MTHFD1L: variants seen among roughly 807,000 people sequenced by gnomAD.
MTHFD1L encodes methylenetetrahydrofolate dehydrogenase (NADP+ dependent) 1 like, also known as monofunctional C1-tetrahydrofolate synthase, mitochondrial.
In MTHFD1L, 81 loss-of-function variants were observed where a neutral mutation model predicts 119.5. The observed-to-expected ratio is 0.68, with a 90% CI of 0.57 to 0.82. The LOEUF (loss-of-function observed/expected upper bound fraction) is 0.82, where lower values mean the gene tolerates loss of function less well. Ranked by LOEUF, MTHFD1L falls within the 40% of genes least tolerant of loss-of-function variation. The pLI is 0.00. For synonymous variants in MTHFD1L, 430 were observed against 475.2 expected (o/e 0.90, Z 1.24); for missense variants, 1,125 against 1,253.4 (o/e 0.90, Z 1.55).
intron 5 of MTHFD1L, among the ~76,000 whole-genome samples, chr6:150,884,330 C>T (rs532523490): frequency 5.5e-4 from 84 of 151,910 alleles, no homozygotes; most frequent in Non-Finnish European, 1.0e-3. Context: ...TTAGTAGAGA[C>T]GAGGTTTCAC....
At chr6:151,013,934 C>A in intron 22 of MTHFD1L, 114 bp downstream of exon 22, 1 of 890,984 alleles carries the variant, frequency 1.1e-6, no homozygotes, top group Non-Finnish European at 1.7e-6. Context: ...CTGTTCTGTC[C>A]GGGCGCAGTG....
intron 24 of MTHFD1L, among the ~76,000 whole-genome samples, chr6:151,026,820 C>CTTTTTTTTTT (rs1158007442): frequency 2.0e-5 from 1 of 51,264 alleles, no homozygotes; most frequent in Non-Finnish European, 3.2e-5. Context: ...CCTTTCTATC[C>CTTTTTTTTTT]TTTTTTTTTT....
At chr6:151,090,701 G>C (rs1460832584) in intron 26 of MTHFD1L, among the ~76,000 whole-genome samples, 1 of 152,260 alleles carries the variant, frequency 6.6e-6, no homozygotes, top group Admixed American at 6.5e-5. Flanking sequence ...GATGCCATCA[G>C]GTGCTGGCAC....
rs917325794 is a variant in MTHFD1L, at chr6:151,008,075, C to T, written c.2126-1744C>T. Among the ~76,000 whole-genome samples the T allele has an allele frequency of 1.7e-4, 26 of 151,992 alleles. No homozygotes were observed. In the East Asian group the frequency reaches 1.9e-3, roughly 11 times the overall value. On this transcript the variant is annotated intron_variant, in intron 20 of 27. Transcript: ENST00000367321. ...TACCCTTGGGAATTTATTCCAAGAACGTAATTTGAAAGAGATTAAAGCACA... is the reference window on the plus strand; with the variant it reads ...TACCCTTGGGAATTTATTCCAAGAATGTAATTTGAAAGAGATTAAAGCACA...
intron 26 of MTHFD1L, among the ~76,000 whole-genome samples, chr6:151,078,489 G>T (rs1160525616): frequency 6.6e-6 from 1 of 150,848 alleles, no homozygotes; most frequent in African/African-American, 2.4e-5. Context: ...GGTCAGCTTA[G>T]CTGGGTTCTC....
At chr6:150,925,322 C>T (rs2128906820) in intron 10 of MTHFD1L, among the ~76,000 whole-genome samples, 1 of 152,296 alleles carries the variant, frequency 6.6e-6, no homozygotes, top group African/African-American at 2.4e-5. Context: ...CACTCTCAGA[C>T]ACATGAAGGG....
At chr6:151,032,836 C>T (rs1344846748) in intron 24 of MTHFD1L, among the ~76,000 whole-genome samples, 1 of 152,130 alleles carries the variant, frequency 6.6e-6, no homozygotes, top group African/African-American at 2.4e-5. Flanking sequence ...CACAGAACAC[C>T]TCTACAGTAA....
rs188878381 is a variant in MTHFD1L at position 150,903,243 on chromosome 6, A to G, written c.781-2407A>G. 5.9e-3 allele frequency among the ~76,000 whole-genome samples: 636 copies of G among 107,530 alleles called. 2 individuals are homozygous for G. Among genetic ancestry groups the G allele is most frequent in the African/African-American group, 0.023 (606 of 26,506 alleles). 70.5% of individuals were successfully genotyped at this position (107,530 alleles called of 152,430 possible). The stretch of plus-strand genomic sequence containing the variant: ...TTTTTTTTTTTTTTTTTTGAGACAG[A>G]GTCTTGCTCCATCGCCCAGGCTGGA... On this transcript the variant is annotated intron_variant, in intron 7 of 27. Transcript: ENST00000367321.
At chr6:150,909,349 C>T (rs774771979) in intron 8 of MTHFD1L, among the ~76,000 whole-genome samples, 23 of 151,614 alleles carry the variant, frequency 1.5e-4, no homozygotes, top group East Asian at 5.8e-4. Context: ...TACAGTGGCA[C>T]GATCACAGCC....
At position 151,009,859 on chromosome 6, in the gene MTHFD1L, A is replaced by G. The variant is rs373294467; in HGVS notation, c.2166A>G (p.Lys722=). ...AGFGADIGME[K]FFNIKCRASG... is the part of the protein sequence containing the mutation. ...TTGGTGCTGACATCGGAATGGAGAA[A>G]TTCTTCAACATCAAGTGCCGAGCTT... is the stretch of plus-strand genomic sequence containing the variant. The change falls in exon 21 of 28, where the codon AAA becomes AAG. Residue 722 remains lysine, a synonymous_variant. Coordinates refer to ENST00000367321, the MANE Select transcript of MTHFD1L (RefSeq NM_015440.5). 6.9e-5 allele frequency: 111 copies of G among 1,613,750 alleles called. No individual in the cohort carries two copies. Among genetic ancestry groups the G allele is most frequent in the Non-Finnish European group, 9.0e-5 (106 of 1,179,932 alleles).
chr6:151,030,238 C>T (rs983960364), intron 24 of MTHFD1L, among the ~76,000 whole-genome samples: 10 of 152,238 alleles, frequency 6.6e-5, no homozygotes, highest in Admixed American at 3.3e-4. Flanking sequence ...GCTGCATTCT[C>T]TCTGAGCCCT....
At chr6:151,006,957 A>G (rs1442736895) in intron 20 of MTHFD1L, among the ~76,000 whole-genome samples, 3 of 152,120 alleles carry the variant, frequency 2.0e-5, no homozygotes, top group Non-Finnish European at 4.4e-5. Context: ...AAAATGCGTA[A>G]CATTTGGGTT....
At chr6:150,953,335 C>T (rs535701739) in intron 16 of MTHFD1L, among the ~76,000 whole-genome samples, 3 of 152,260 alleles carry the variant, frequency 2.0e-5, no homozygotes, top group African/African-American at 7.2e-5. Flanking sequence ...AAGGGATGGT[C>T]CAGAGCAAAA....
At chr6:150,957,318 G>C (rs1027323984) in intron 17 of MTHFD1L, among the ~76,000 whole-genome samples, 1 of 152,124 alleles carries the variant, frequency 6.6e-6, no homozygotes, top group African/African-American at 2.4e-5. Flanking sequence ...ACTGCAAATT[G>C]AAACAATGGA....
chr6:150,920,434 G>A (rs1788699454), intron 9 of MTHFD1L, among the ~76,000 whole-genome samples: 1 of 152,036 alleles, frequency 6.6e-6, no homozygotes, highest in East Asian at 1.9e-4. Context: ...TTATGTACAG[G>A]GTAATACACA....
chr6:150,911,396 C>G (rs1249721110), intron 8 of MTHFD1L, among the ~76,000 whole-genome samples: 4 of 151,792 alleles, frequency 2.6e-5, no homozygotes, highest in African/African-American at 9.7e-5. Flanking sequence ...CTCTCAAGAA[C>G]ACTGTCACAA....
chr6:150,936,527 A>G (rs773908710), intron 11 of MTHFD1L, among the ~76,000 whole-genome samples: 4 of 152,162 alleles, frequency 2.6e-5, no homozygotes, highest in Non-Finnish European at 4.4e-5. Flanking sequence ...AACCATTTTG[A>G]TGAGTGGTTT....
chr6:150,904,236 G>A (rs1785520531), intron 7 of MTHFD1L, among the ~76,000 whole-genome samples: 1 of 152,226 alleles, frequency 6.6e-6, no homozygotes, highest in Non-Finnish European at 1.5e-5. Flanking sequence ...TTTATTTGGT[G>A]GTTTGGTGGG....
At position 151,013,815 on chromosome 6, in the gene MTHFD1L, G is replaced by C; in HGVS notation, c.2302G>C (p.Glu768Gln). ...TGTTCCTCTTAAGAAAGAATATACA[G>C]AGGAGGTAAGAGGAGCTGTTTAGAT... ...AGVPLKKEYT[E>Q]ENIQLVADGC... is the part of the protein sequence containing the mutation. Residue 768 changes from glutamate (E) to glutamine (Q), a missense_variant, in exon 22 of 28, where the codon GAG becomes CAG. Physicochemically the swap from Glu to Gln is conservative, Grantham distance 29. Transcript: ENST00000367321. 1 of 1,611,442 alleles carries C rather than the reference G, an allele frequency of 6.2e-7. No homozygotes were observed. Among genetic ancestry groups the C allele is most frequent in the Non-Finnish European group, 8.5e-7 (1 of 1,178,094 alleles).
Sources: gnomAD v4.1 joint callset for allele counts (sites outside exome capture counted in the v4.1 genomes callset) on GRCh38, gnomAD v4.1.1 for gene constraint, MANE v1.5 for transcripts, NCBI Gene and HGNC (gene_info 2026-07-23, HGNC 2026-07-21) for gene names.